The following CDH12 variants were observed in gnomAD, a reference collection of about 807,000 sequenced individuals.
CDH12 encodes cadherin-12.
CDH12 carries 41 observed loss-of-function variants against 74.1 expected under a neutral mutation model. That is an observed-to-expected ratio of 0.55 (90% CI 0.43 to 0.72). The LOEUF (loss-of-function observed/expected upper bound fraction) is 0.72. Ranked by LOEUF, CDH12 falls within the 30% of genes least tolerant of loss-of-function variation. The pLI is 0.00. For synonymous variants in CDH12, 399 were observed against 355.0 expected, an observed-to-expected ratio of 1.12 and a Z score of -1.39; for missense variants, 945 against 977.2, an observed-to-expected ratio of 0.97 and a Z score of 0.44.
At position 22,103,590 on chromosome 5, in the gene CDH12, C is replaced by T. The variant is rs1191118291; in HGVS notation, c.-186-24728G>A. 1.1e-4 allele frequency among the ~76,000 whole-genome samples: 17 copies of T among 152,262 alleles called. No homozygotes were observed. In the South Asian group the frequency reaches 2.9e-3, roughly 26 times the overall value. On this transcript the variant is annotated intron_variant, in intron 4 of 14. Coordinates refer to ENST00000382254, the MANE Select transcript of CDH12 (RefSeq NM_004061.5). The stretch of plus-strand genomic sequence containing the variant: ...CCTTATCGCTTCTTATGCAGCTAAT[C>T]GTTTATTGCTTATTAAACTGCTAAT...
intron 4 of CDH12, among the ~76,000 whole-genome samples, chr5:22,173,493 T>C (rs534274948): frequency 1.3e-5 from 2 of 150,110 alleles, no homozygotes; most frequent in South Asian, 2.1e-4. Flanking sequence ...ACTTTAGATA[T>C]CTAACCCTTA....
chr5:22,655,055 C>T (rs1739964677), intron 1 of CDH12, among the ~76,000 whole-genome samples: 1 of 152,170 alleles, frequency 6.6e-6, no homozygotes, highest in Non-Finnish European at 1.5e-5. Context: ...CTTCCCTTAT[C>T]GTGACAAAAA....
chr5:22,415,568 A>G (rs1209937609), intron 2 of CDH12, among the ~76,000 whole-genome samples: 1 of 152,216 alleles, frequency 6.6e-6, no homozygotes, highest in Non-Finnish European at 1.5e-5. Context: ...TTCACTGAAG[A>G]AGCCCAGGCT....
intron 2 of CDH12, among the ~76,000 whole-genome samples, chr5:22,411,800 C>G (rs115288665): frequency 4.0e-5 from 6 of 151,884 alleles, no homozygotes; most frequent in African/African-American, 9.7e-5. Flanking sequence ...GGAAAATAAT[C>G]ATTTTAGAGG....
At chr5:22,293,880 C>G (rs1185201767) in intron 3 of CDH12, among the ~76,000 whole-genome samples, 1 of 152,072 alleles carries the variant, frequency 6.6e-6, no homozygotes, top group Non-Finnish European at 1.5e-5. Flanking sequence ...GATACAAAAT[C>G]TCAGTTACAT....
intron 1 of CDH12, among the ~76,000 whole-genome samples, chr5:22,522,445 A>G (rs1737093862): frequency 6.6e-6 from 1 of 152,194 alleles, no homozygotes; most frequent in African/African-American, 2.4e-5. Flanking sequence ...TTGCTTGGGA[A>G]AATTGTTGTT....
chr5:22,274,715 GC>G (rs1736549157), intron 3 of CDH12, among the ~76,000 whole-genome samples: 1 of 152,002 alleles, frequency 6.6e-6, no homozygotes, highest in South Asian at 2.1e-4. Flanking sequence ...TAAACCCAGT[GC>G]AGTAAGAGTC....
intron 3 of CDH12, among the ~76,000 whole-genome samples, chr5:22,349,413 T>G (rs1055886187): frequency 5.9e-5 from 9 of 152,174 alleles, no homozygotes; most frequent in Non-Finnish European, 1.0e-4. Flanking sequence ...TCTCCATTCT[T>G]ATATGTCTTA....
chr5:21,942,035 T>A (rs1412313500), intron 6 of CDH12, among the ~76,000 whole-genome samples: 1 of 152,170 alleles, frequency 6.6e-6, no homozygotes, highest in East Asian at 1.9e-4. Context: ...AGGTGGGTTA[T>A]TTGGGTGTTC....
chr5:22,816,994 C>A (rs1000902887), intron 1 of CDH12, among the ~76,000 whole-genome samples: 3 of 152,156 alleles, frequency 2.0e-5, no homozygotes, highest in Admixed American at 6.6e-5. Context: ...CTTAGAACAG[C>A]ACACTTTTCA....
At chr5:22,632,691 T>C (rs1011268919) in intron 1 of CDH12, among the ~76,000 whole-genome samples, 7 of 151,856 alleles carry the variant, frequency 4.6e-5, no homozygotes, top group African/African-American at 1.7e-4. Flanking sequence ...CACCATCAAC[T>C]GTACTAACAA....
intron 5 of CDH12, among the ~76,000 whole-genome samples, chr5:22,049,424 T>C (rs1740192209): frequency 6.6e-6 from 1 of 152,154 alleles, no homozygotes; most frequent in African/African-American, 2.4e-5. Flanking sequence ...CTCTTCCTTT[T>C]TCCTTGCCCA....
chr5:22,827,913 G>T lies in CDH12; in HGVS notation c.-523+25145C>A, dbSNP rs192603736. Among the ~76,000 whole-genome samples the T allele has an allele frequency of 2.8e-3, 423 of 152,050 alleles. 2 individuals carry two copies. Among genetic ancestry groups the T allele is most frequent in the Non-Finnish European group, 4.5e-3 (303 of 68,000 alleles). ...TCTTCTTTGAGTTCTTATTCATTGG[G>T]CTTAGCATATTGTTAACAAGCACTC... On this transcript the variant is annotated intron_variant, in intron 1 of 14. Coordinates refer to ENST00000382254, the MANE Select transcript of CDH12 (RefSeq NM_004061.5).
intron 10 of CDH12, among the ~76,000 whole-genome samples, chr5:21,785,254 A>C (rs1341682425): frequency 1.3e-5 from 2 of 152,140 alleles, no homozygotes; most frequent in Admixed American, 6.6e-5. Flanking sequence ...CTAACCAGCT[A>C]TTCCCCCATC....
chr5:22,737,373 G>A (rs576531897), intron 1 of CDH12, among the ~76,000 whole-genome samples: 2 of 151,978 alleles, frequency 1.3e-5, no homozygotes, highest in African/African-American at 4.8e-5. Context: ...CTACTTTGGA[G>A]AACATCAATA....
At chr5:22,797,313 C>T (rs1224861178) in intron 1 of CDH12, among the ~76,000 whole-genome samples, 1 of 152,004 alleles carries the variant, frequency 6.6e-6, no homozygotes, top group Non-Finnish European at 1.5e-5. Context: ...GCTGACAGCA[C>T]CTTGGACTGC....
intron 4 of CDH12, among the ~76,000 whole-genome samples, chr5:22,111,775 T>C (rs1305831128): frequency 6.6e-6 from 1 of 152,172 alleles, no homozygotes; most frequent in Non-Finnish European, 1.5e-5. Flanking sequence ...CATCTACCTA[T>C]CATAAACAAA....
chr5:22,388,508 A>G (rs1643008822), intron 3 of CDH12, among the ~76,000 whole-genome samples: 1 of 152,134 alleles, frequency 6.6e-6, no homozygotes, highest in South Asian at 2.1e-4. Context: ...CAAGGACATT[A>G]AATAAGATCA....
chr5:22,559,026 G>A (rs1172267682), intron 1 of CDH12, among the ~76,000 whole-genome samples: 1 of 152,046 alleles, frequency 6.6e-6, no homozygotes, highest in Non-Finnish European at 1.5e-5. Context: ...GACTTTCACA[G>A]CCTCCTTTTC....
Sources: gnomAD v4.1 joint callset for allele counts (sites outside exome capture counted in the v4.1 genomes callset) on GRCh38, gnomAD v4.1.1 for gene constraint, MANE v1.5 for transcripts, NCBI Gene and HGNC (gene_info 2026-07-23, HGNC 2026-07-21) for gene names.